The following NEGR1 variants were observed in gnomAD, a reference collection of about 807,000 sequenced individuals.
NEGR1 encodes IgLON family member 4.
Under a neutral mutation model 40.9 loss-of-function variants are expected in NEGR1, and 10 were observed. That is an observed-to-expected ratio of 0.24 (90% CI 0.15 to 0.42). NEGR1 has a LOEUF of 0.42. Among genes scored for constraint, NEGR1 ranks in the 10% least tolerant of loss-of-function variants. The pLI, the probability that NEGR1 is intolerant of heterozygous loss-of-function variation, is 1.00. For missense variants in NEGR1, 352 were observed against 438.9 expected (o/e 0.80, Z 1.77); for synonymous variants, 185 against 166.8 (o/e 1.11, Z -0.84).
intron 4 of NEGR1, 101 bp from the exon 5 acceptor site, chr1:71,611,247 A>C: frequency 3.7e-6 from 4 of 1,088,400 alleles, no homozygotes; most frequent in Non-Finnish European, 5.3e-6. Flanking sequence ...TATTCAAAGC[A>C]ATCTTATGCC....
intron 3 of NEGR1, among the ~76,000 whole-genome samples, chr1:71,754,468 A>G (rs1655667253): frequency 1.3e-5 from 2 of 152,226 alleles, no homozygotes; most frequent in East Asian, 3.9e-4. Flanking sequence ...GAGGCAGTTT[A>G]GATGAACAAA....
At chr1:71,855,864 T>G (rs990894384) in intron 2 of NEGR1, among the ~76,000 whole-genome samples, 2 of 152,072 alleles carry the variant, frequency 1.3e-5, no homozygotes, top group Admixed American at 1.3e-4. Flanking sequence ...TGTTGGAGTA[T>G]GTTAGAAATT....
intron 1 of NEGR1, among the ~76,000 whole-genome samples, chr1:72,060,200 C>A (rs1381516695): frequency 6.6e-6 from 1 of 151,562 alleles, no homozygotes; most frequent in Non-Finnish European, 1.5e-5. Flanking sequence ...AGATTATGAA[C>A]CTATCTTGAT....
chr1:71,722,462 A>G (rs1164416007), intron 3 of NEGR1, among the ~76,000 whole-genome samples: 2 of 152,076 alleles, frequency 1.3e-5, no homozygotes, highest in Admixed American at 6.6e-5. Flanking sequence ...ATACTTTTCA[A>G]TGAGCATGCT....
chr1:71,840,666 C>G (rs536212650), intron 2 of NEGR1, among the ~76,000 whole-genome samples: 1 of 152,118 alleles, frequency 6.6e-6, no homozygotes, highest in East Asian at 1.9e-4. Context: ...ATCTGGGAAA[C>G]TTGGAATGCT....
intron 1 of NEGR1, among the ~76,000 whole-genome samples, chr1:72,263,006 T>G (rs1271490340): frequency 6.6e-6 from 1 of 151,784 alleles, no homozygotes; most frequent in East Asian, 1.9e-4. Context: ...CAGCTTCCAC[T>G]AAGATTACCA....
At chr1:71,589,734 T>G (rs1172135535) in intron 6 of NEGR1, among the ~76,000 whole-genome samples, 1 of 149,332 alleles carries the variant, frequency 6.7e-6, no homozygotes, top group Non-Finnish European at 1.5e-5. Context: ...TTTGGTGCTA[T>G]TACTATTATT....
intron 6 of NEGR1, among the ~76,000 whole-genome samples, chr1:71,429,166 G>A (rs1646449171): frequency 6.6e-6 from 1 of 151,936 alleles, no homozygotes; most frequent in South Asian, 2.1e-4. Context: ...ACTGCTGGTG[G>A]TACTGGTACA....
At chr1:71,615,598 T>C (rs965523303) in intron 4 of NEGR1, among the ~76,000 whole-genome samples, 2 of 152,152 alleles carry the variant, frequency 1.3e-5, no homozygotes, top group African/African-American at 4.8e-5. Flanking sequence ...AATAGCAAAA[T>C]GGTCATCATT....
At chr1:71,413,542 A>G (rs76525027) in intron 6 of NEGR1, among the ~76,000 whole-genome samples, 278 of 152,300 alleles carry the variant, frequency 1.8e-3, no homozygotes, top group Non-Finnish European at 3.2e-3. Context: ...TTATAGCTAG[A>G]TAATTGGCCA....
intron 1 of NEGR1, among the ~76,000 whole-genome samples, chr1:72,202,240 C>T (rs1213093434): frequency 1.3e-5 from 2 of 151,882 alleles, no homozygotes; most frequent in African/African-American, 4.8e-5. Flanking sequence ...GCCTGCTCCA[C>T]TTATCAGCCA....
At chr1:71,861,307 G>A (rs1026345465) in intron 2 of NEGR1, among the ~76,000 whole-genome samples, 1 of 151,946 alleles carries the variant, frequency 6.6e-6, no homozygotes, top group African/African-American at 2.4e-5. Context: ...TGGCATACAG[G>A]AAACACCATA....
intron 6 of NEGR1, among the ~76,000 whole-genome samples, chr1:71,549,300 G>T (rs1054702232): frequency 1.1e-4 from 16 of 151,696 alleles, no homozygotes; most frequent in African/African-American, 3.6e-4. Flanking sequence ...ATCCCTGTGA[G>T]ACTAGATTAA....
intron 6 of NEGR1, among the ~76,000 whole-genome samples, chr1:71,570,313 CTATAAAT>C (rs1648769328): frequency 6.6e-6 from 1 of 152,134 alleles, no homozygotes; most frequent in South Asian, 2.1e-4. Flanking sequence ...TCCTGTAGAA[CTATAAAT>C]TTGTCCTCCT....
intron 3 of NEGR1, among the ~76,000 whole-genome samples, chr1:71,721,999 G>A (rs948762382): frequency 6.6e-6 from 1 of 152,068 alleles, no homozygotes. Flanking sequence ...GAAAGTGGAA[G>A]TCAGTTCACA....
chr1:71,735,723 G>A (rs548436929), intron 3 of NEGR1, among the ~76,000 whole-genome samples: 19 of 151,796 alleles, frequency 1.3e-4, no homozygotes, highest in South Asian at 2.1e-4. Context: ...AAATAATTAC[G>A]TGCAATAGAT....
chr1:71,801,597 C>G (rs1657560593), intron 2 of NEGR1, among the ~76,000 whole-genome samples: 1 of 152,108 alleles, frequency 6.6e-6, no homozygotes. Context: ...TTGAAATCAC[C>G]CTTGGTTTCC....
intron 1 of NEGR1, among the ~76,000 whole-genome samples, chr1:72,266,308 A>T (rs1255303460): frequency 6.6e-6 from 1 of 151,068 alleles, no homozygotes; most frequent in South Asian, 2.1e-4. Context: ...TTAAAAATGC[A>T]TATGTACCAT....
At chr1:72,082,289 A>G (rs1648034082) in intron 1 of NEGR1, among the ~76,000 whole-genome samples, 1 of 152,164 alleles carries the variant, frequency 6.6e-6, no homozygotes, top group South Asian at 2.1e-4. Context: ...TATTATGCAC[A>G]CAATTCAGTA....
Sources: gnomAD v4.1 joint callset for allele counts (sites outside exome capture counted in the v4.1 genomes callset) on GRCh38, gnomAD v4.1.1 for gene constraint, MANE v1.5 for transcripts, NCBI Gene and HGNC (gene_info 2026-07-23, HGNC 2026-07-21) for gene names.